ATP13A4: variants seen among roughly 807,000 people sequenced by gnomAD.
The protein encoded by ATP13A4 is ATPase 13A4.
ATP13A4 carries 114 observed loss-of-function variants against 142.5 expected under a neutral mutation model. That is an observed-to-expected ratio of 0.80 (90% CI 0.69 to 0.93). ATP13A4 has a LOEUF of 0.93. Ranked by LOEUF, ATP13A4 falls within the 40% of genes least tolerant of loss-of-function variation. ATP13A4 has a pLI of 0.00. For missense variants in ATP13A4, 1,392 were observed against 1,454.0 expected (o/e 0.96, Z 0.69); for synonymous variants, 488 against 514.8 (o/e 0.95, Z 0.70).
intron 21 of ATP13A4, among the ~76,000 whole-genome samples, chr3:193,439,875 T>A (rs1302814570): frequency 6.6e-6 from 1 of 152,116 alleles, no homozygotes; most frequent in Non-Finnish European, 1.5e-5. Flanking sequence ...GATAACGGAA[T>A]CAAATGAATA....
intron 14 of ATP13A4, chr3:193,458,795 T>C (rs1164359908): frequency 3.3e-6 from 2 of 597,770 alleles, no homozygotes; most frequent in Admixed American, 2.9e-5. Context: ...GCATAATAAG[T>C]ACAATTATAT....
At position 193,582,658 on chromosome 3, in the gene ATP13A4, T is replaced by G. The variant is rs1347852557; in HGVS notation, n.92-752A>C. 7.5e-5 allele frequency among the ~76,000 whole-genome samples: 3 copies of G among 39,918 alleles called. 1 individual carries two copies. In the East Asian group the frequency reaches 1.4e-3, roughly 19 times the overall value. The allele number at this position is 39,918 out of a possible 152,430, so 26.2% of individuals were successfully genotyped here. On this transcript the variant is annotated intron_variant and non_coding_transcript_variant, in intron 1 of 3. Transcript: ENST00000489140. ...ACATTATATATGTATATTACATACATTATATATGTATATTACATATATATT... is the reference window on the plus strand; with the variant it reads ...ACATTATATATGTATATTACATACAGTATATATGTATATTACATATATATT...
intron 1 of ATP13A4, among the ~76,000 whole-genome samples, chr3:193,532,803 T>C (rs939360641): frequency 5.9e-5 from 9 of 152,284 alleles, no homozygotes; most frequent in African/African-American, 1.9e-4. Flanking sequence ...CTCAACTATC[T>C]GACACCAGGG....
At chr3:193,451,216 C>T (rs1254054499) in intron 17 of ATP13A4, among the ~76,000 whole-genome samples, 1 of 152,190 alleles carries the variant, frequency 6.6e-6, no homozygotes, top group African/African-American at 2.4e-5. Flanking sequence ...TCCTGGTACT[C>T]AGGCCCCAGG....
intron 9 of ATP13A4, among the ~76,000 whole-genome samples, chr3:193,468,610 G>C (rs1211892233): frequency 6.6e-6 from 1 of 152,134 alleles, no homozygotes; most frequent in Admixed American, 6.5e-5. Context: ...AGCCGGGTGT[G>C]GTGGTGCATG....
chr3:193,471,076 T>C (rs1176767045), intron 8 of ATP13A4, 83 bp from the exon 9 acceptor site: 1 of 1,574,750 alleles, frequency 6.4e-7, no homozygotes, highest in African/African-American at 1.4e-5. Flanking sequence ...TGGATATCAA[T>C]GAAAAAGCAA....
intron 1 of ATP13A4, among the ~76,000 whole-genome samples, chr3:193,524,940 C>T (rs1247094455): frequency 6.6e-6 from 1 of 152,150 alleles, no homozygotes; most frequent in Non-Finnish European, 1.5e-5. Flanking sequence ...AGCACATCAT[C>T]CTATTTTAGG....
chr3:193,536,495 T>C (rs1722599074), intron 1 of ATP13A4, among the ~76,000 whole-genome samples: 1 of 152,056 alleles, frequency 6.6e-6, no homozygotes, highest in Non-Finnish European at 1.5e-5. Context: ...AAGAGAATTC[T>C]TTCAACTTAA....
At chr3:193,496,638 A>G (rs1577023087) in intron 3 of ATP13A4, among the ~76,000 whole-genome samples, 1 of 152,124 alleles carries the variant, frequency 6.6e-6, no homozygotes, top group East Asian at 1.9e-4. Flanking sequence ...TAAAAGTACA[A>G]AAGTTAGCTG....
intron 5 of ATP13A4, among the ~76,000 whole-genome samples, chr3:193,491,803 T>C: frequency 6.6e-6 from 1 of 152,190 alleles, no homozygotes; most frequent in East Asian, 1.9e-4. Context: ...GGAAATGCTG[T>C]TTCTACTTTC....
At chr3:193,551,677 A>G (rs1222427938) in intron 1 of ATP13A4, among the ~76,000 whole-genome samples, 1 of 152,226 alleles carries the variant, frequency 6.6e-6, no homozygotes, top group Non-Finnish European at 1.5e-5. Flanking sequence ...TTACAGGTAT[A>G]AAAACTGAGG....
intron 27 of ATP13A4, among the ~76,000 whole-genome samples, chr3:193,411,647 C>T (rs1714771011): frequency 6.6e-6 from 1 of 152,156 alleles, no homozygotes; most frequent in Non-Finnish European, 1.5e-5. Context: ...ACAGGTCACT[C>T]ATTTCTCATC....
intron 12 of ATP13A4, among the ~76,000 whole-genome samples, chr3:193,464,279 C>T (rs144916199): frequency 3.3e-5 from 5 of 152,330 alleles, no homozygotes; most frequent in East Asian, 1.9e-4. Context: ...CAGGCCTCTA[C>T]CCATGCTCAC....
chr3:193,435,810 G>C, intron 23 of ATP13A4, 66 bp from the exon 24 acceptor site: 1 of 1,369,506 alleles, frequency 7.3e-7, no homozygotes, highest in Non-Finnish European at 1.0e-6. Flanking sequence ...GTCATTCTGT[G>C]CTGTTCAGCT....
Position 193,417,860 on chromosome 3 carries a change from C to T in ATP13A4, c.2843-3110G>A, listed in dbSNP as rs540367725. On this transcript the variant is annotated intron_variant, in intron 25 of 29. Coordinates refer to ENST00000342695, the MANE Select transcript of ATP13A4 (RefSeq NM_032279.4). The stretch of plus-strand genomic sequence containing the variant: ...ATTAGCGGCCGGGCGCGGTGGCTCA[C>T]GCCTGTAATCCCAGCACTTTGGGAG... 8.3e-4 allele frequency among the ~76,000 whole-genome samples: 121 copies of T among 146,250 alleles called. 8 individuals carry two copies. The highest frequency in any genetic ancestry group is 2.7e-3 in the African/African-American group (104 of 39,200).
At chr3:193,578,111 T>C (rs1215059241) in intron 2 of ATP13A4, among the ~76,000 whole-genome samples, 6 of 151,950 alleles carry the variant, frequency 3.9e-5, no homozygotes, top group African/African-American at 1.5e-4. Flanking sequence ...CTGGCCAACA[T>C]GGTGAAACCC....
rs1428393746 is a variant in ATP13A4, at chr3:193,573,300, TA to T, written n.291+8406del. Among the ~76,000 whole-genome samples the T allele has an allele frequency of 1.0e-2, 840 of 84,194 alleles. 27 individuals carry two copies. Among genetic ancestry groups the T allele is most frequent in the South Asian group, 0.011 (27 of 2,498 alleles). The allele number at this position is 84,194 out of a possible 152,430, so 55.2% of individuals were successfully genotyped here. On this transcript the variant is annotated intron_variant and non_coding_transcript_variant, in intron 2 of 3. Transcript: ENST00000489140. ...ACATATATATATATACACATATATATATATATACATATATATATATATATAT... is the reference window on the plus strand; with the variant it reads ...ACATATATATATATACACATATATATTATATACATATATATATATATATAT...
chr3:193,503,854 T>C (rs761087607), intron 2 of ATP13A4, among the ~76,000 whole-genome samples: 10 of 152,130 alleles, frequency 6.6e-5, no homozygotes, highest in Non-Finnish European at 1.5e-4. Flanking sequence ...TGATCTCTCC[T>C]CTAAATCATC....
intron 1 of ATP13A4, among the ~76,000 whole-genome samples, chr3:193,549,431 T>G (rs138892319): frequency 0.019 from 2,535 of 136,330 alleles, 54 homozygotes; most frequent in African/African-American, 0.046. Context: ...TATATATATA[T>G]ATAGAGAGAG....
Sources: gnomAD v4.1 joint callset for allele counts (sites outside exome capture counted in the v4.1 genomes callset) on GRCh38, gnomAD v4.1.1 for gene constraint, MANE v1.5 for transcripts, NCBI Gene and HGNC (gene_info 2026-07-23, HGNC 2026-07-21) for gene names.